Variants in CLASP1 observed in about 807,000 individuals in gnomAD.
CLASP1 encodes CLIP-associating protein 1.
CLASP1 carries 38 observed loss-of-function variants against 192.3 expected under a neutral mutation model. That is an observed-to-expected ratio of 0.20 (90% CI 0.15 to 0.26). CLASP1 has a LOEUF of 0.26. Among genes scored for constraint, CLASP1 ranks in the 10% least tolerant of loss-of-function variants. CLASP1 has a pLI of 1.00. For synonymous variants in CLASP1, 691 were observed against 712.8 expected (o/e 0.97, Z 0.49); for missense variants, 1,433 against 1,932.5 (o/e 0.74, Z 4.85).
intron 9 of CLASP1, among the ~76,000 whole-genome samples, chr2:121,468,905 C>T (rs1028199673): frequency 6.6e-6 from 1 of 152,092 alleles, no homozygotes; most frequent in Non-Finnish European, 1.5e-5. Flanking sequence ...AGAGGGGTTG[C>T]GGTCATCTGA....
At chr2:121,348,565 C>A (rs750670500) in exon 38 of CLASP1, 1 of 1,613,288 alleles carries the variant, frequency 6.2e-7, no homozygotes, top group East Asian at 2.2e-5. Flanking sequence ...GACTCCTTTG[C>A]GATCCTCTCG....
exon 36 of CLASP1, chr2:121,365,210 G>C: frequency 6.2e-7 from 1 of 1,613,716 alleles, no homozygotes; most frequent in Non-Finnish European, 8.5e-7. Flanking sequence ...GCTCCCTTCC[G>C]TTCCTCCACT....
intron 19 of CLASP1, among the ~76,000 whole-genome samples, chr2:121,439,624 G>A (rs921758130): frequency 3.0e-4 from 45 of 152,170 alleles, no homozygotes; most frequent in Non-Finnish European, 1.5e-4. Context: ...TTTCCATATA[G>A]TTGAGCGGTT....
chr2:121,398,422 G>A, intron 28 of CLASP1, 22 bp from the exon 30 acceptor site: 1 of 1,503,232 alleles, frequency 6.7e-7, no homozygotes, highest in Non-Finnish European at 9.1e-7. Context: ...GGAAAAAAGT[G>A]CTTATTTTTA....
chr2:121,405,270 T>C (rs1314584226), intron 25 of CLASP1, among the ~76,000 whole-genome samples: 2 of 152,080 alleles, frequency 1.3e-5, no homozygotes, highest in African/African-American at 4.8e-5. Flanking sequence ...GATCACACTA[T>C]TGCACTTCAG....
At chr2:121,629,768 G>A (rs950088535) in intron 1 of CLASP1, among the ~76,000 whole-genome samples, 1 of 151,890 alleles carries the variant, frequency 6.6e-6, no homozygotes, top group Admixed American at 6.6e-5. Context: ...TCTAGCCTGG[G>A]CGACAAGAGC....
intron 8 of CLASP1, among the ~76,000 whole-genome samples, chr2:121,483,518 A>G (rs1017942031): frequency 3.3e-5 from 5 of 151,604 alleles, no homozygotes; most frequent in East Asian, 1.9e-4. Flanking sequence ...GTATGTATAT[A>G]TGTGTGTGTA....
chr2:121,345,283 G>GA (rs1420131157), intron 39 of CLASP1, among the ~76,000 whole-genome samples: 4 of 152,192 alleles, frequency 2.6e-5, no homozygotes, highest in Admixed American at 1.3e-4. Flanking sequence ...TCCCGGTCAG[G>GA]AATGTGGGTT....
At chr2:121,461,038 A>C in intron 11 of CLASP1, 63 bp downstream of exon 11, 1 of 985,988 alleles carries the variant, frequency 1.0e-6, no homozygotes, top group East Asian at 2.6e-5. Flanking sequence ...ATTTCACAAT[A>C]AAGTATTTGA....
At chr2:121,387,187 G>T (rs2073401390) in exon 32 of CLASP1, 1 of 1,611,500 alleles carries the variant, frequency 6.2e-7, no homozygotes, top group South Asian at 1.1e-5. Flanking sequence ...TGCTGCTGGT[G>T]TGTCGGGAGG....
At chr2:121,344,028 G>A (rs575970879) in intron 39 of CLASP1, among the ~76,000 whole-genome samples, 28 of 151,986 alleles carry the variant, frequency 1.8e-4, no homozygotes, top group Admixed American at 8.5e-4. Flanking sequence ...CCAAGATCAC[G>A]TCACCGCACT....
At chr2:121,394,812 G>A (rs996927713) in intron 30 of CLASP1, among the ~76,000 whole-genome samples, 22 of 152,128 alleles carry the variant, frequency 1.4e-4, no homozygotes, top group Admixed American at 1.1e-3. Flanking sequence ...CCCGGGAGGC[G>A]GAGGTTGCAG....
At chr2:121,592,880 T>G (rs2062584132) in intron 2 of CLASP1, among the ~76,000 whole-genome samples, 2 of 152,094 alleles carry the variant, frequency 1.3e-5, no homozygotes, top group Non-Finnish European at 2.9e-5. Context: ...TCTCCTGACC[T>G]CGTGATCCGC....
chr2:121,469,945 T>C (rs764108132), exon 9 of CLASP1: 3 of 1,611,138 alleles, frequency 1.9e-6, no homozygotes, highest in South Asian at 1.1e-5. Flanking sequence ...AGAATCTTCA[T>C]CGTCGAAATT....
At chr2:121,479,415 TA>T (rs2092405320) in intron 8 of CLASP1, among the ~76,000 whole-genome samples, 1 of 152,118 alleles carries the variant, frequency 6.6e-6, no homozygotes. Context: ...ATAGCATCAA[TA>T]AAAACACCTA....
At chr2:121,530,931 GC>G in intron 2 of CLASP1, 1 of 700,376 alleles carries the variant, frequency 1.4e-6, no homozygotes. Context: ...CATAGTGAGG[GC>G]AGTACTGCTA....
chr2:121,490,757 A>G (rs1429045677), intron 8 of CLASP1, among the ~76,000 whole-genome samples: 1 of 152,218 alleles, frequency 6.6e-6, no homozygotes, highest in East Asian at 1.9e-4. Flanking sequence ...AGCTCAACAC[A>G]TATGCCAGCC....
chr2:121,469,103 C>G (rs1458806451), intron 9 of CLASP1, among the ~76,000 whole-genome samples: 1 of 152,148 alleles, frequency 6.6e-6, no homozygotes, highest in East Asian at 1.9e-4. Flanking sequence ...TGCTGCTACT[C>G]AGCTTTCTAC....
Position 121,633,007 on chromosome 2 carries a change from CATAT to C in CLASP1, c.-286+16361_-286+16364del, listed in dbSNP as rs71398038. On this transcript the variant is annotated intron_variant, in intron 1 of 39. Coordinates refer to ENST00000263710, the Ensembl canonical transcript of CLASP1. ...GTGTGTATATATATGTATGTGTGTG[CATAT>C]ATATATATATATATATAGGCTTTTT... 1.7e-3 allele frequency among the ~76,000 whole-genome samples: 199 copies of C among 115,516 alleles called. 10 individuals carry two copies. The highest frequency in any genetic ancestry group is 5.5e-3 in the African/African-American group (145 of 26,512). The allele number at this position is 115,516 out of a possible 152,430, so 75.8% of individuals were successfully genotyped here.
Sources: allele counts gnomAD v4.1 joint callset (sites outside exome capture counted in the v4.1 genomes callset), GRCh38; gene constraint gnomAD v4.1.1; transcripts MANE v1.5; gene names NCBI Gene and HGNC (gene_info 2026-07-23, HGNC 2026-07-21).